The following RNF180 variants were observed in gnomAD, a reference collection of about 807,000 sequenced individuals.
RNF180 encodes the protein ring finger protein 180.
In RNF180, 38 loss-of-function variants were observed where a neutral mutation model predicts 59.2. The observed-to-expected ratio is 0.64, with a 90% CI of 0.50 to 0.84. The LOEUF (loss-of-function observed/expected upper bound fraction) is 0.84, where lower values mean the gene tolerates loss of function less well. Ranked by LOEUF, RNF180 falls within the 40% of genes least tolerant of loss-of-function variation. The pLI is 0.00. For missense variants in RNF180, 705 were observed against 700.9 expected, an observed-to-expected ratio of 1.01 and a Z score of -0.07; for synonymous variants, 262 against 240.3, an observed-to-expected ratio of 1.09 and a Z score of -0.84.
At chr5:64,297,196 T>A (rs1354791986) in intron 5 of RNF180, among the ~76,000 whole-genome samples, 5 of 152,084 alleles carry the variant, frequency 3.3e-5, no homozygotes, top group African/African-American at 4.8e-5. Context: ...ATTCTTTTAA[T>A]GTTTTGTACA....
intron 5 of RNF180, among the ~76,000 whole-genome samples, chr5:64,320,150 G>T (rs971499889): frequency 1.3e-5 from 2 of 152,138 alleles, no homozygotes; most frequent in Non-Finnish European, 2.9e-5. Flanking sequence ...AGGCAGTAAA[G>T]GTTTAGAGCC....
At chr5:64,317,538 G>A (rs1744103735) in intron 5 of RNF180, among the ~76,000 whole-genome samples, 3 of 137,326 alleles carry the variant, frequency 2.2e-5, no homozygotes, top group East Asian at 2.1e-4. Context: ...GTATATATAT[G>A]TATATTTATA....
chr5:64,270,693 T>G (rs1741351693), intron 5 of RNF180, among the ~76,000 whole-genome samples: 1 of 152,114 alleles, frequency 6.6e-6, no homozygotes, highest in Non-Finnish European at 1.5e-5. Context: ...TGAAGCAGTA[T>G]TTTTTAAGGA....
At chr5:64,191,730 C>T (rs1751171350) in intron 1 of RNF180, among the ~76,000 whole-genome samples, 1 of 152,124 alleles carries the variant, frequency 6.6e-6, no homozygotes, top group Admixed American at 6.5e-5. Context: ...ATATTTTTAT[C>T]CCATTCCATA....
chr5:64,175,656 C>G (rs933752286), intron 1 of RNF180, among the ~76,000 whole-genome samples: 3 of 152,014 alleles, frequency 2.0e-5, no homozygotes, highest in African/African-American at 7.3e-5. Flanking sequence ...TGAAAAATGT[C>G]ATTGGTATTT....
chr5:64,308,520 C>A lies in RNF180; in HGVS notation c.1228-16666C>A, dbSNP rs113667021. Among the ~76,000 whole-genome samples, 4 of 151,764 alleles carry A rather than the reference C, an allele frequency of 2.6e-5. 1 individual carries two copies. The highest frequency in any genetic ancestry group is 9.6e-5 in the African/African-American group (4 of 41,466). ...ATTGATTATTTCACAAAAGTGTAGC[C>A]AGGGGCTTGGAGGAACCTAATTCTA... On this transcript the variant is annotated intron_variant, in intron 5 of 7. Coordinates refer to ENST00000389100, the MANE Select transcript of RNF180 (RefSeq NM_001113561.2).
rs1438916589 is a variant in RNF180 at position 64,254,766 on chromosome 5, G to A, written c.1227+37370G>A. ...CATAAAATAATATGCCTAAGGAAAT[G>A]TATAGAACAACAGTGCAGGAGACTT... On this transcript the variant is annotated intron_variant, in intron 5 of 7. Transcript: ENST00000389100. Among the ~76,000 whole-genome samples the A allele has an allele frequency of 2.6e-5, 4 of 152,246 alleles. No homozygotes were observed. In the East Asian group the frequency reaches 7.7e-4, roughly 29 times the overall value.
chr5:64,223,090 G>A (rs1018487813), intron 5 of RNF180, among the ~76,000 whole-genome samples: 1 of 152,168 alleles, frequency 6.6e-6, no homozygotes, highest in Admixed American at 6.5e-5. Flanking sequence ...GCCTTGTGGG[G>A]CTGATATCAA....
In RNF180 at chr5:64,337,142, T is replaced by A. The variant is rs148159093; in HGVS notation, c.1579+6736T>A. 5.1e-4 allele frequency among the ~76,000 whole-genome samples: 78 copies of A among 152,064 alleles called. 1 individual carries two copies. Among genetic ancestry groups the A allele is most frequent in the African/African-American group, 1.4e-3 (58 of 41,484 alleles). ...AATTCTCCCACCTCAGACTCCTGAG[T>A]AGCTGGGACTACAGGAGCACACCAC... On this transcript the variant is annotated intron_variant, in intron 7 of 7. Coordinates refer to ENST00000389100, the MANE Select transcript of RNF180 (RefSeq NM_001113561.2).
At chr5:64,316,468 A>G (rs1390207967) in intron 5 of RNF180, among the ~76,000 whole-genome samples, 1 of 152,198 alleles carries the variant, frequency 6.6e-6, no homozygotes, top group Non-Finnish European at 1.5e-5. Flanking sequence ...GCAGAGGACA[A>G]TGTGTGGTCT....
Position 64,325,234 on chromosome 5 carries a change from G to T in RNF180, c.1276G>T (p.Glu426Ter). 6.4e-7 allele frequency: 1 copy of T among 1,551,588 alleles called. No individual in the cohort carries two copies. Among genetic ancestry groups the T allele is most frequent in the Non-Finnish European group, 8.7e-7 (1 of 1,146,814 alleles). The change falls in exon 6 of 8, where the codon GAA becomes TAA. Residue 426 changes from glutamate to a stop codon, truncating the protein, a stop_gained. Transcript: ENST00000389100. LOFTEE classifies it high-confidence loss of function. ...AGATGAAGACAATGAATATGCAGAA[G>T]AAAAGGATAGCTACATCTGTGCAGT... ...STDEDNEYAE[E>*]KDSYICAVCL...
At chr5:64,316,056 A>G (rs182513626) in intron 5 of RNF180, among the ~76,000 whole-genome samples, 1 of 152,258 alleles carries the variant, frequency 6.6e-6, no homozygotes, top group Admixed American at 6.5e-5. Context: ...AAAAGGGCAA[A>G]TAACATCTCA....
intron 5 of RNF180, among the ~76,000 whole-genome samples, chr5:64,251,714 C>T (rs1743589590): frequency 6.6e-6 from 1 of 152,074 alleles, no homozygotes; most frequent in African/African-American, 2.4e-5. Flanking sequence ...TCTTAAAGAC[C>T]CCATAAAAAA....
chr5:64,263,469 AAATT>A (rs148370447), intron 5 of RNF180, among the ~76,000 whole-genome samples: 20 of 152,316 alleles, frequency 1.3e-4, no homozygotes, highest in Non-Finnish European at 2.6e-4. Flanking sequence ...GTTTAAAAGA[AAATT>A]AACTATGTAA....
At chr5:64,354,360 C>G (rs1745932977) in intron 7 of RNF180, among the ~76,000 whole-genome samples, 1 of 151,620 alleles carries the variant, frequency 6.6e-6, no homozygotes. Flanking sequence ...AGTAAATGCA[C>G]AAATTTATAA....
chr5:64,230,759 TTGAAAGAGAAGAG>T (rs1201725927), intron 5 of RNF180, among the ~76,000 whole-genome samples: 1 of 152,200 alleles, frequency 6.6e-6, no homozygotes, highest in Non-Finnish European at 1.5e-5. Flanking sequence ...CAGGCCAACC[TTGAAAGAGAAGAG>T]GTAGCTACTA....
chr5:64,227,917 C>T lies in RNF180; in HGVS notation c.1227+10521C>T, dbSNP rs576288197. On this transcript the variant is annotated intron_variant, in intron 5 of 7. Coordinates refer to ENST00000389100, the MANE Select transcript of RNF180 (RefSeq NM_001113561.2). ...TCTCTCTCATTGCTCCATGTCTGCC[C>T]TTACCCATTTTTAAAACCATAGTCA... Among the ~76,000 whole-genome samples the T allele has an allele frequency of 7.5e-4, 114 of 152,288 alleles. No homozygotes were observed. In the Middle Eastern group the frequency reaches 0.01, roughly 14 times the overall value.
At chr5:64,210,704 C>T (rs1050555602) in intron 2 of RNF180, among the ~76,000 whole-genome samples, 6 of 152,164 alleles carry the variant, frequency 3.9e-5, no homozygotes, top group Middle Eastern at 3.4e-3. Context: ...TCTTCCTGCC[C>T]TGTTTATTAG....
chr5:64,331,133 C>A (rs1744888723), intron 7 of RNF180, among the ~76,000 whole-genome samples: 1 of 152,238 alleles, frequency 6.6e-6, no homozygotes, highest in Non-Finnish European at 1.5e-5. Flanking sequence ...ACTCCAAACT[C>A]TGGGTGCTGA....
Sources: gnomAD v4.1 joint callset for allele counts (sites outside exome capture counted in the v4.1 genomes callset) on GRCh38, gnomAD v4.1.1 for gene constraint, MANE v1.5 for transcripts, NCBI Gene and HGNC (gene_info 2026-07-23, HGNC 2026-07-21) for gene names.